GALNT13: variants seen among roughly 807,000 people sequenced by gnomAD.
The protein encoded by GALNT13 is polypeptide N-acetylgalactosaminyltransferase 13.
In GALNT13, 28 loss-of-function variants were observed where a neutral mutation model predicts 64.2. That is an observed-to-expected ratio of 0.44 (90% CI 0.32 to 0.60). The LOEUF is 0.60. GALNT13 is among the 20% of genes least tolerant of loss of function. The pLI is 0.05. For synonymous variants in GALNT13, 214 were observed against 224.6 expected (o/e 0.95, Z 0.42); for missense variants, 577 against 669.8 (o/e 0.86, Z 1.53).
the GALNT13 span, among the ~76,000 whole-genome samples, chr2:153,183,385 T>C: frequency 6.6e-6 from 1 of 152,214 alleles, no homozygotes; most frequent in Non-Finnish European, 1.5e-5. Flanking sequence ...CTTTGTCAGA[T>C]GGATAGATTG....
chr2:154,122,214 AT>A (rs966532141), intron 3 of GALNT13, among the ~76,000 whole-genome samples: 143 of 151,704 alleles, frequency 9.4e-4, no homozygotes, highest in African/African-American at 2.9e-3. Context: ...TATTTATTAT[AT>A]TTTTTTTGTG....
intron 9 of GALNT13, among the ~76,000 whole-genome samples, chr2:154,306,434 T>C (rs879644198): frequency 5.3e-5 from 8 of 152,050 alleles, no homozygotes; most frequent in Non-Finnish European, 1.2e-4. Flanking sequence ...TATCATTCTG[T>C]AACCACACAG....
chr2:153,355,807 T>G, the GALNT13 span, among the ~76,000 whole-genome samples: 1 of 152,226 alleles, frequency 6.6e-6, no homozygotes, highest in Non-Finnish European at 1.5e-5. Flanking sequence ...CATCCAGAGT[T>G]TTCAAAAGAC....
At chr2:154,335,580 C>T (rs1179237943) in intron 9 of GALNT13, among the ~76,000 whole-genome samples, 3 of 152,042 alleles carry the variant, frequency 2.0e-5, no homozygotes, top group East Asian at 1.9e-4. Flanking sequence ...ACTCCTGGGA[C>T]CCTTCTCTGT....
At chr2:154,080,246 G>A (rs1448415427) in intron 3 of GALNT13, among the ~76,000 whole-genome samples, 4 of 151,524 alleles carry the variant, frequency 2.6e-5, no homozygotes, top group East Asian at 3.9e-4. Flanking sequence ...GCTGGAGTAC[G>A]GCTACTCTTT....
intron 4 of GALNT13, among the ~76,000 whole-genome samples, chr2:154,142,172 T>G (rs1683291725): frequency 6.6e-6 from 1 of 152,192 alleles, no homozygotes; most frequent in Admixed American, 6.5e-5. Context: ...CCACCTCTAG[T>G]GGGCTACATT....
At chr2:153,880,060 C>T (rs982658026) in intron 1 of GALNT13, among the ~76,000 whole-genome samples, 4 of 152,020 alleles carry the variant, frequency 2.6e-5, no homozygotes, top group South Asian at 2.1e-4. Context: ...ACTTCAAATA[C>T]GTAACTAAGA....
At chr2:153,474,513 T>C in the GALNT13 span, among the ~76,000 whole-genome samples, 1 of 152,312 alleles carries the variant, frequency 6.6e-6, no homozygotes, top group South Asian at 2.1e-4. Context: ...CTGCTTTCAC[T>C]TCCTTAAAGC....
chr2:154,080,781 A>G (rs1372520750), intron 3 of GALNT13, among the ~76,000 whole-genome samples: 2 of 151,652 alleles, frequency 1.3e-5, no homozygotes, highest in Admixed American at 1.3e-4. Flanking sequence ...TTCTTCATGA[A>G]TTGTAACCCT....
upstream of GALNT13, chr2:153,871,889 G>A (rs1685968027): frequency 6.6e-6 from 1 of 151,866 alleles, no homozygotes; most frequent in Non-Finnish European, 1.5e-5. Flanking sequence ...GCGGCGGGCT[G>A]GGGTGGGAGG....
chr2:153,827,486 G>A, the GALNT13 span, among the ~76,000 whole-genome samples: 97 of 152,184 alleles, frequency 6.4e-4, 1 homozygote, highest in Middle Eastern at 3.4e-3. Context: ...TTAGCTGGTC[G>A]TGGTTGTGGA....
chr2:153,461,481 A>G, the GALNT13 span, among the ~76,000 whole-genome samples: 2 of 152,074 alleles, frequency 1.3e-5, no homozygotes, highest in Non-Finnish European at 2.9e-5. Flanking sequence ...ATGACAGACT[A>G]AAGATGAGTT....
At chr2:154,339,231 T>C (rs981089512) in intron 9 of GALNT13, among the ~76,000 whole-genome samples, 4 of 152,138 alleles carry the variant, frequency 2.6e-5, no homozygotes, top group African/African-American at 9.7e-5. Flanking sequence ...GAGTAACTAA[T>C]ATGCAGTTGG....
the GALNT13 span, among the ~76,000 whole-genome samples, chr2:153,270,238 T>C: frequency 1.3e-5 from 2 of 152,196 alleles, no homozygotes; most frequent in African/African-American, 2.4e-5. Flanking sequence ...TCTGAGCATC[T>C]ACTCTGTGTC....
At chr2:153,654,123 T>G in the GALNT13 span, among the ~76,000 whole-genome samples, 1 of 152,028 alleles carries the variant, frequency 6.6e-6, no homozygotes, top group Non-Finnish European at 1.5e-5. Flanking sequence ...ACCGTGAGTA[T>G]GAAATATGGG....
chr2:153,851,587 C>T, the GALNT13 span, among the ~76,000 whole-genome samples: 642 of 151,528 alleles, frequency 4.2e-3, 4 homozygotes, highest in African/African-American at 0.015. Flanking sequence ...CACCTGTAGT[C>T]GCAGCTACTT....
chr2:154,187,369 AACACACAC>A (rs10578569), intron 4 of GALNT13, among the ~76,000 whole-genome samples: 3,197 of 140,102 alleles, frequency 0.023, 31 homozygotes, highest in African/African-American at 0.035. Flanking sequence ...GATAGGAGAA[AACACACAC>A]ACACACACAC....
chr2:153,928,448 G>A (rs564416832), intron 2 of GALNT13, among the ~76,000 whole-genome samples: 4 of 152,054 alleles, frequency 2.6e-5, no homozygotes, highest in Non-Finnish European at 5.9e-5. Context: ...TGTCTACTGG[G>A]AACTGTCTAA....
rs201083794 is a variant in GALNT13, at chr2:154,133,534, TTATATATATATATATATATATATA to T, written c.143-6775_143-6752del. ...TTTTTCAGTAACATAACAGACCATT[TTATATATATATATATATATATATA>T]TATATATATATATATATATATATAT... On this transcript the variant is annotated intron_variant, in intron 3 of 12. Transcript: ENST00000392825. 5.3e-4 allele frequency among the ~76,000 whole-genome samples: 41 copies of T among 77,294 alleles called. 2 individuals are homozygous for T. Among genetic ancestry groups the T allele is most frequent in the East Asian group, 2.1e-3 (4 of 1,916 alleles). The allele number at this position is 77,294 out of a possible 152,430, so 50.7% of individuals were successfully genotyped here.
Sources: allele counts gnomAD v4.1 joint callset (sites outside exome capture counted in the v4.1 genomes callset), GRCh38; gene constraint gnomAD v4.1.1; transcripts MANE v1.5; gene names NCBI Gene and HGNC (gene_info 2026-07-23, HGNC 2026-07-21).